CHCHD3: variants seen among roughly 807,000 people sequenced by gnomAD.
The protein encoded by CHCHD3 is MICOS complex subunit MIC19.
CHCHD3 carries 20 observed loss-of-function variants against 38.2 expected under a neutral mutation model. That is an observed-to-expected ratio of 0.52 (90% confidence interval 0.37 to 0.76). The LOEUF (loss-of-function observed/expected upper bound fraction) is 0.76, where lower values mean the gene tolerates loss of function less well. Among genes scored for constraint, CHCHD3 ranks in the 30% least tolerant of loss-of-function variants. The pLI is 0.00. For synonymous variants in CHCHD3, 82 were observed against 100.0 expected (o/e 0.82, Z 1.07); for missense variants, 245 against 279.2 (o/e 0.88, Z 0.87).
At chr7:132,913,501 C>T (rs1394208661) in intron 4 of CHCHD3, among the ~76,000 whole-genome samples, 1 of 152,000 alleles carries the variant, frequency 6.6e-6, no homozygotes, top group Non-Finnish European at 1.5e-5. Context: ...TGCACAAAGC[C>T]CTAAAGGTGG....
intron 3 of CHCHD3, among the ~76,000 whole-genome samples, chr7:132,988,322 C>T (rs967810683): frequency 2.0e-5 from 3 of 151,772 alleles, no homozygotes; most frequent in African/African-American, 7.3e-5. Flanking sequence ...CACACCCACA[C>T]AAATATACAG....
At chr7:132,896,418 T>A (rs945283622) in intron 4 of CHCHD3, among the ~76,000 whole-genome samples, 1 of 152,194 alleles carries the variant, frequency 6.6e-6, no homozygotes, top group Non-Finnish European at 1.5e-5. Context: ...ACAAGGCATA[T>A]TGTGATTCCA....
In CHCHD3 at chr7:132,954,272, G is replaced by A. The variant is rs77061166; in HGVS notation, c.369+20897C>T. 2.2e-3 allele frequency among the ~76,000 whole-genome samples: 332 copies of A among 152,244 alleles called. 1 individual carries two copies. Among genetic ancestry groups the A allele is most frequent in the Admixed American group, 3.6e-3 (55 of 15,278 alleles). ...GTCCCTATCTCCTGACACAGCACCT[G>A]GTGCAGAGGAGCACAAAACCCATGG... On this transcript the variant is annotated intron_variant, in intron 4 of 7. Transcript: ENST00000262570.
intron 2 of CHCHD3, among the ~76,000 whole-genome samples, chr7:133,039,124 C>CT (rs993408205): frequency 2.0e-5 from 3 of 151,420 alleles, no homozygotes; most frequent in African/African-American, 7.3e-5. Flanking sequence ...AAACCAATTT[C>CT]TTTTTTTTTA....
At chr7:133,014,909 G>A (rs973690075) in intron 3 of CHCHD3, among the ~76,000 whole-genome samples, 8 of 152,134 alleles carry the variant, frequency 5.3e-5, no homozygotes, top group African/African-American at 1.7e-4. Context: ...AAGTTCATGA[G>A]GCAGGGCACC....
At chr7:132,794,722 C>G (rs1255162965) in intron 7 of CHCHD3, among the ~76,000 whole-genome samples, 2 of 152,188 alleles carry the variant, frequency 1.3e-5, no homozygotes, top group Admixed American at 6.5e-5. Flanking sequence ...TAATTTGATG[C>G]TTTTGGCTGA....
chr7:132,790,720 G>C (rs1397909599), intron 7 of CHCHD3, among the ~76,000 whole-genome samples: 1 of 152,090 alleles, frequency 6.6e-6, no homozygotes, highest in South Asian at 2.1e-4. Context: ...GATTATCTTC[G>C]TGCTCTCTGA....
intron 4 of CHCHD3, among the ~76,000 whole-genome samples, chr7:132,932,558 C>T (rs144833622): frequency 7.5e-4 from 114 of 152,344 alleles, no homozygotes; most frequent in Middle Eastern, 3.4e-3. Flanking sequence ...TCTGAGGCTG[C>T]CGTCTCCCAC....
chr7:133,015,134 G>A (rs1014522017), intron 3 of CHCHD3, among the ~76,000 whole-genome samples: 3 of 152,082 alleles, frequency 2.0e-5, no homozygotes, highest in African/African-American at 7.2e-5. Flanking sequence ...TCGAGGTCAG[G>A]AGTTTGAGAC....
intron 1 of CHCHD3, among the ~76,000 whole-genome samples, chr7:133,073,932 T>C (rs964093397): frequency 4.6e-5 from 7 of 152,180 alleles, no homozygotes; most frequent in African/African-American, 7.2e-5. Flanking sequence ...CACGCCTACA[T>C]TGCCCTCTCT....
chr7:133,057,833 TTTAA>T (rs1235509410), intron 2 of CHCHD3, among the ~76,000 whole-genome samples: 1 of 152,144 alleles, frequency 6.6e-6, no homozygotes, highest in African/African-American at 2.4e-5. Context: ...CATACATATA[TTTAA>T]TTTTCTTTAA....
chr7:132,892,687 GT>G (rs1809393292), intron 4 of CHCHD3, among the ~76,000 whole-genome samples: 1 of 152,188 alleles, frequency 6.6e-6, no homozygotes, highest in African/African-American at 2.4e-5. Context: ...CACTGCTGCT[GT>G]GTGCAGCCTC....
intron 5 of CHCHD3, chr7:132,845,089 A>C (rs1286868344): frequency 6.6e-6 from 1 of 152,210 alleles, no homozygotes; most frequent in African/African-American, 2.4e-5. Flanking sequence ...GGTGGTTAAG[A>C]ACATGGACTT....
chr7:132,987,365 G>A (rs756216230), intron 3 of CHCHD3, among the ~76,000 whole-genome samples: 1 of 152,176 alleles, frequency 6.6e-6, no homozygotes, highest in African/African-American at 2.4e-5. Flanking sequence ...GGAGGAAACT[G>A]TGTCCAGATA....
intron 1 of CHCHD3, among the ~76,000 whole-genome samples, chr7:133,081,451 A>G (rs1345624137): frequency 1.3e-5 from 2 of 152,180 alleles, no homozygotes; most frequent in African/African-American, 2.4e-5. Flanking sequence ...TAAAATGCCA[A>G]TTCACCCTGG....
chr7:132,885,581 T>G, intron 5 of CHCHD3, 81 bp downstream of exon 5: 1 of 1,130,152 alleles, frequency 8.8e-7, no homozygotes, highest in Non-Finnish European at 1.2e-6. Context: ...GCAGTTGAAG[T>G]TCTAATTTAT....
At chr7:132,927,709 A>G (rs1349729943) in intron 4 of CHCHD3, among the ~76,000 whole-genome samples, 3 of 152,210 alleles carry the variant, frequency 2.0e-5, no homozygotes, top group Non-Finnish European at 4.4e-5. Context: ...GTCCATTTCC[A>G]CTGTCAGAAA....
At chr7:133,067,891 C>T (rs554889563) in intron 2 of CHCHD3, among the ~76,000 whole-genome samples, 3 of 152,092 alleles carry the variant, frequency 2.0e-5, no homozygotes, top group East Asian at 3.9e-4. Flanking sequence ...TCGAGGCGGG[C>T]GGATCACGAG....
intron 6 of CHCHD3, among the ~76,000 whole-genome samples, chr7:132,816,107 G>T (rs1807195167): frequency 1.3e-5 from 2 of 152,208 alleles, no homozygotes; most frequent in South Asian, 4.1e-4. Context: ...ATGTAGTTCA[G>T]ACTGGGCATT....
Sources: gnomAD v4.1 joint callset for allele counts (sites outside exome capture counted in the v4.1 genomes callset) on GRCh38, gnomAD v4.1.1 for gene constraint, MANE v1.5 for transcripts, NCBI Gene and HGNC (gene_info 2026-07-23, HGNC 2026-07-21) for gene names.